Variants in IMMP2L observed in about 807,000 individuals in gnomAD.
IMMP2L encodes mitochondrial inner membrane protease subunit 2.
A neutral mutation model predicts 19.3 loss-of-function variants in IMMP2L; 18 were observed. That is an observed-to-expected ratio of 0.93 (90% CI 0.64 to 1.38). The LOEUF (loss-of-function observed/expected upper bound fraction) is 1.38, where lower values mean the gene tolerates loss of function less well. IMMP2L is among the 40% of genes most tolerant of loss of function. The pLI is 0.00. For missense variants in IMMP2L, 233 were observed against 218.2 expected, an observed-to-expected ratio of 1.07 and a Z score of -0.43; for synonymous variants, 76 against 73.0, an observed-to-expected ratio of 1.04 and a Z score of -0.21.
At chr7:111,493,532 C>A (rs1028144174) in intron 2 of IMMP2L, among the ~76,000 whole-genome samples, 19 of 151,248 alleles carry the variant, frequency 1.3e-4, no homozygotes, top group Non-Finnish European at 2.5e-4. Context: ...GAAACCCCGT[C>A]TCTACCAAAA....
In IMMP2L at chr7:110,823,885, T is replaced by C. The variant is rs540048127; in HGVS notation, c.408+62708A>G. 3.3e-5 allele frequency among the ~76,000 whole-genome samples: 5 copies of C among 152,162 alleles called. No homozygotes were observed. The South Asian group carries it at 1.0e-3, about 32-fold the overall frequency. ...TAATTAATAACAGTATCAAAGAACA[T>C]CGGAATTTAAACTGAGAGATCAGTT... On this transcript the variant is annotated intron_variant, in intron 5 of 5. Transcript: ENST00000405709.
At chr7:111,155,670 TTA>T (rs755485414) in intron 3 of IMMP2L, among the ~76,000 whole-genome samples, 149 of 145,194 alleles carry the variant, frequency 1.0e-3, no homozygotes, top group Admixed American at 5.0e-3. Context: ...TTATATGCAA[TTA>T]TATATATATA....
intron 1 of IMMP2L, among the ~76,000 whole-genome samples, chr7:111,556,542 C>G (rs187007984): frequency 6.6e-6 from 1 of 152,186 alleles, no homozygotes. Flanking sequence ...ATCTCCTATT[C>G]AGTCCTTTAC....
intron 5 of IMMP2L, among the ~76,000 whole-genome samples, chr7:110,697,676 C>T (rs1289548770): frequency 6.6e-6 from 1 of 152,058 alleles, no homozygotes; most frequent in Non-Finnish European, 1.5e-5. Context: ...GGGCTGTAGT[C>T]CCAGTTATTT....
rs1805627378 is a variant in IMMP2L at position 110,846,055 on chromosome 7, T to C, written c.408+40538A>G. On this transcript the variant is annotated intron_variant, in intron 5 of 5. Transcript: ENST00000405709. The stretch of plus-strand genomic sequence containing the variant: ...TTTCCTAGTTTATGGTATTTTGTTA[T>C]AGTAGCCCAAATGGACTGAGACACA... Among the ~76,000 whole-genome samples, 3 of 152,294 alleles carry C rather than the reference T, an allele frequency of 2.0e-5. No homozygotes were observed. The South Asian group carries it at 6.2e-4, about 32-fold the overall frequency.
chr7:110,840,740 C>T lies in IMMP2L; in HGVS notation c.408+45853G>A, dbSNP rs1804990813. On this transcript the variant is annotated intron_variant, in intron 5 of 5. Coordinates refer to ENST00000405709, the MANE Select transcript of IMMP2L (RefSeq NM_032549.4). ...TGAAAGGGCAATTAAAAATTACATG[C>T]CCTTGCTCCTAATGATTGTATCACA... Among the ~76,000 whole-genome samples, 4 of 152,050 alleles carry T rather than the reference C, an allele frequency of 2.6e-5. No homozygotes were observed. In the South Asian group the frequency reaches 8.3e-4, roughly 32 times the overall value.
intron 5 of IMMP2L, among the ~76,000 whole-genome samples, chr7:110,869,372 C>G (rs573689112): frequency 6.6e-6 from 1 of 152,028 alleles, no homozygotes; most frequent in Non-Finnish European, 1.5e-5. Context: ...TCAATAGAAA[C>G]GAGAACGTCT....
At chr7:110,952,387 C>T (rs781342300) in intron 4 of IMMP2L, among the ~76,000 whole-genome samples, 1 of 152,126 alleles carries the variant, frequency 6.6e-6, no homozygotes, top group Non-Finnish European at 1.5e-5. Flanking sequence ...AACTCCCACA[C>T]ATTTAGCATT....
At chr7:111,100,826 TA>T (rs1797892920) in intron 3 of IMMP2L, among the ~76,000 whole-genome samples, 1 of 151,598 alleles carries the variant, frequency 6.6e-6, no homozygotes, top group African/African-American at 2.4e-5. Flanking sequence ...AGTAATGAAA[TA>T]AGGAAAGTTT....
At chr7:110,842,478 G>T (rs1249980194) in intron 5 of IMMP2L, among the ~76,000 whole-genome samples, 1 of 152,178 alleles carries the variant, frequency 6.6e-6, no homozygotes, top group Admixed American at 6.5e-5. Flanking sequence ...GGGCTGGCAA[G>T]TGCTACTGTG....
At chr7:110,821,898 G>C (rs546555321) in intron 5 of IMMP2L, among the ~76,000 whole-genome samples, 2 of 152,016 alleles carry the variant, frequency 1.3e-5, no homozygotes, top group African/African-American at 2.4e-5. Context: ...ACTCCAGCCT[G>C]GTGACAGAGC....
At chr7:110,953,423 G>A (rs570418053) in intron 4 of IMMP2L, among the ~76,000 whole-genome samples, 1 of 151,958 alleles carries the variant, frequency 6.6e-6, no homozygotes, top group Admixed American at 6.6e-5. Flanking sequence ...GCGGTGTTTG[G>A]TTTTCGGTTC....
intron 3 of IMMP2L, among the ~76,000 whole-genome samples, chr7:111,102,604 A>G (rs1390658534): frequency 1.3e-5 from 2 of 151,610 alleles, no homozygotes; most frequent in African/African-American, 2.4e-5. Context: ...AATAAAAGAG[A>G]GAGAGAAAAA....
chr7:110,735,159 G>C (rs1173625505), intron 5 of IMMP2L, among the ~76,000 whole-genome samples: 1 of 152,090 alleles, frequency 6.6e-6, no homozygotes. Context: ...CGCAGTAAGG[G>C]GAACAAAGCA....
At chr7:111,205,617 A>G (rs1810615313) in intron 3 of IMMP2L, among the ~76,000 whole-genome samples, 2 of 152,058 alleles carry the variant, frequency 1.3e-5, no homozygotes, top group African/African-American at 4.8e-5. Flanking sequence ...TAAACTATCC[A>G]TATCAGTAAA....
At chr7:111,353,871 T>C (rs1828430158) in intron 3 of IMMP2L, among the ~76,000 whole-genome samples, 1 of 152,100 alleles carries the variant, frequency 6.6e-6, no homozygotes, top group Admixed American at 6.6e-5. Context: ...AAAACACTGG[T>C]TTTATCCACA....
At position 110,878,195 on chromosome 7, in the gene IMMP2L, A is replaced by G. The variant is rs138554814; in HGVS notation, c.408+8398T>C. 4.9e-3 allele frequency among the ~76,000 whole-genome samples: 753 copies of G among 152,208 alleles called. 11 individuals are homozygous for G. Among genetic ancestry groups the G allele is most frequent in the African/African-American group, 0.018 (729 of 41,536 alleles). ...TACTCAGGAAAACACAATATTCACC[A>G]CAGTTGTGCATGGTGACAGAGGAAA... On this transcript the variant is annotated intron_variant, in intron 5 of 5. Coordinates refer to ENST00000405709, the MANE Select transcript of IMMP2L (RefSeq NM_032549.4).
At chr7:110,800,308 A>G (rs1042344194) in intron 5 of IMMP2L, among the ~76,000 whole-genome samples, 3 of 152,034 alleles carry the variant, frequency 2.0e-5, no homozygotes, top group African/African-American at 7.2e-5. Context: ...ACAGAGAGCA[A>G]ATTATCAAGC....
Position 110,984,499 on chromosome 7 carries a change from G to C in IMMP2L, c.240-20934C>G, listed in dbSNP as rs559315490. Among the ~76,000 whole-genome samples the C allele has an allele frequency of 2.8e-4, 42 of 152,152 alleles. 1 individual carries two copies. In the South Asian group the frequency reaches 8.3e-3, roughly 30 times the overall value. On this transcript the variant is annotated intron_variant, in intron 3 of 5. Transcript: ENST00000405709. The stretch of plus-strand genomic sequence containing the variant: ...GCTAATAATTTACGTTGCATAAGAG[G>C]TAAAACCAGTACTAAGCAGAGTTGT...
Sources: allele counts gnomAD v4.1 joint callset (sites outside exome capture counted in the v4.1 genomes callset), GRCh38; gene constraint gnomAD v4.1.1; transcripts MANE v1.5; gene names NCBI Gene and HGNC (gene_info 2026-07-23, HGNC 2026-07-21).